TENM3: variants seen among roughly 807,000 people sequenced by gnomAD.
The protein encoded by TENM3 is teneurin-3.
TENM3 carries 63 observed loss-of-function variants against 255.1 expected under a neutral mutation model. The ratio of observed to expected loss-of-function variants is 0.25; its 90% CI spans 0.20 to 0.30. The LOEUF (loss-of-function observed/expected upper bound fraction) is 0.30. Ranked by LOEUF, TENM3 falls within the 10% of genes least tolerant of loss-of-function variation. TENM3 has a pLI of 1.00. For synonymous variants in TENM3, 1,306 were observed against 1,322.3 expected (o/e 0.99, Z 0.27); for missense variants, 2,929 against 3,461.1 (o/e 0.85, Z 3.86).
At chr4:182,100,457 A>ATG in the TENM3 span, among the ~76,000 whole-genome samples, 1 of 123,478 alleles carries the variant, frequency 8.1e-6, no homozygotes, top group Non-Finnish European at 1.7e-5. Context: ...AAATATATAT[A>ATG]TATATATATA....
chr4:182,126,210 T>C, the TENM3 span, among the ~76,000 whole-genome samples: 122 of 152,266 alleles, frequency 8.0e-4, no homozygotes, highest in African/African-American at 2.9e-3. Flanking sequence ...ATTTAGTTTT[T>C]CAGAGAGTAA....
intron 1 of TENM3, among the ~76,000 whole-genome samples, chr4:182,286,895 T>A (rs529575669): frequency 6.6e-6 from 1 of 152,184 alleles, no homozygotes; most frequent in East Asian, 1.9e-4. Context: ...TACACAACAG[T>A]CCAGACGGAA....
chr4:181,466,064 A>T, the TENM3 span, among the ~76,000 whole-genome samples: 2 of 151,424 alleles, frequency 1.3e-5, no homozygotes, highest in Non-Finnish European at 1.5e-5. Flanking sequence ...ATCCACCTAA[A>T]CGTGGGTGGA....
chr4:182,223,486 A>C (rs562176348), intron 1 of TENM3, among the ~76,000 whole-genome samples: 20 of 152,354 alleles, frequency 1.3e-4, no homozygotes, highest in African/African-American at 4.8e-4. Flanking sequence ...TCAGTTGATA[A>C]TAATATGAAT....
chr4:182,646,316 A>G (rs1053830280), intron 5 of TENM3, among the ~76,000 whole-genome samples: 7 of 152,234 alleles, frequency 4.6e-5, no homozygotes, highest in Non-Finnish European at 7.3e-5. Context: ...GGGAACCAGC[A>G]GAGAACTGGG....
chr4:181,812,620 C>T, the TENM3 span, among the ~76,000 whole-genome samples: 5 of 152,148 alleles, frequency 3.3e-5, no homozygotes, highest in African/African-American at 1.2e-4. Flanking sequence ...TTTCCTACGT[C>T]CAGTAAATGC....
chr4:182,168,543 C>A (rs1189907168), intron 1 of TENM3, among the ~76,000 whole-genome samples: 1 of 152,172 alleles, frequency 6.6e-6, no homozygotes, highest in Non-Finnish European at 1.5e-5. Flanking sequence ...CTCTATGAAA[C>A]CGCTGCTGAT....
the TENM3 span, among the ~76,000 whole-genome samples, chr4:182,110,380 A>C: frequency 6.6e-6 from 1 of 151,680 alleles, no homozygotes; most frequent in South Asian, 2.1e-4. Context: ...GCTGGAGTGC[A>C]GTGGTGTGAT....
rs551782605 is a variant in TENM3 at position 182,712,232 on chromosome 4, G to T, written c.2222-1855G>T. Among the ~76,000 whole-genome samples the T allele has an allele frequency of 2.0e-5, 3 of 152,192 alleles. No homozygotes were observed. The East Asian group carries it at 5.8e-4, about 29-fold the overall frequency. The stretch of plus-strand genomic sequence containing the variant: ...TCTTCAGTTATCGTAGAAATAGATG[G>T]AAAAAGTTTTTTCAGAAGAGAAAAT... On this transcript the variant is annotated intron_variant, in intron 12 of 27. Transcript: ENST00000511685.
At chr4:182,335,436 A>G (rs1273598834) in intron 2 of TENM3, among the ~76,000 whole-genome samples, 3 of 124,366 alleles carry the variant, frequency 2.4e-5, no homozygotes, top group Admixed American at 1.9e-4. Context: ...CGGAGCTTGC[A>G]GTGAGCCGAG....
At chr4:181,621,277 A>G in the TENM3 span, among the ~76,000 whole-genome samples, 1 of 152,344 alleles carries the variant, frequency 6.6e-6, no homozygotes, top group East Asian at 1.9e-4. Context: ...TGTTAAATGA[A>G]TGATTTTCTT....
At chr4:181,459,203 T>A in the TENM3 span, among the ~76,000 whole-genome samples, 1 of 151,940 alleles carries the variant, frequency 6.6e-6, no homozygotes, top group Non-Finnish European at 1.5e-5. Context: ...TAGCTTCTTT[T>A]GTAAAGTACC....
At chr4:182,690,487 G>C (rs1756929780) in intron 12 of TENM3, among the ~76,000 whole-genome samples, 1 of 152,106 alleles carries the variant, frequency 6.6e-6, no homozygotes, top group Non-Finnish European at 1.5e-5. Flanking sequence ...CTATACCTCT[G>C]ATCACATTCC....
intron 3 of TENM3, among the ~76,000 whole-genome samples, chr4:182,559,428 A>G (rs1053903382): frequency 6.6e-6 from 1 of 152,138 alleles, no homozygotes; most frequent in African/African-American, 2.4e-5. Context: ...TTTAATTACA[A>G]TGAAATAGTA....
At chr4:182,260,971 G>T (rs1214812722) in intron 1 of TENM3, among the ~76,000 whole-genome samples, 1 of 152,112 alleles carries the variant, frequency 6.6e-6, no homozygotes, top group African/African-American at 2.4e-5. Flanking sequence ...TGCCTCCCGG[G>T]TTCAGTTGAT....
At chr4:182,386,933 C>A (rs974054247) in intron 3 of TENM3, among the ~76,000 whole-genome samples, 2 of 152,230 alleles carry the variant, frequency 1.3e-5, no homozygotes, top group Non-Finnish European at 2.9e-5. Flanking sequence ...CTGAGGAGTG[C>A]GAGCACATGG....
intron 3 of TENM3, chr4:182,449,125 G>A (rs777806780): frequency 7.5e-5 from 16 of 214,406 alleles, no homozygotes; most frequent in Middle Eastern, 1.1e-3. Flanking sequence ...GGGCGGGCTG[G>A]CGGAGCGCGG....
chr4:181,460,274 T>A, the TENM3 span, among the ~76,000 whole-genome samples: 5 of 151,954 alleles, frequency 3.3e-5, no homozygotes, highest in African/African-American at 4.8e-5. Context: ...CAGTTTTAAT[T>A]CTAATTTCCA....
At chr4:182,105,118 C>T in the TENM3 span, among the ~76,000 whole-genome samples, 9 of 152,048 alleles carry the variant, frequency 5.9e-5, no homozygotes, top group Non-Finnish European at 7.4e-5. Context: ...GAGGCTGAAG[C>T]GGGAGGATTG....
Sources: allele counts gnomAD v4.1 joint callset (sites outside exome capture counted in the v4.1 genomes callset), GRCh38; gene constraint gnomAD v4.1.1; transcripts MANE v1.5; gene names NCBI Gene and HGNC (gene_info 2026-07-23, HGNC 2026-07-21).